Variants in TMEM132C observed in about 807,000 individuals in gnomAD.
TMEM132C encodes the protein protein phosphatase 1, regulatory subunit 152.
TMEM132C carries 29 observed loss-of-function variants against 61.4 expected under a neutral mutation model. The observed-to-expected ratio is 0.47, with a 90% CI of 0.35 to 0.64. TMEM132C has a LOEUF of 0.64. TMEM132C is among the 30% of genes least tolerant of loss of function. The pLI is 0.00. For synonymous variants in TMEM132C, 656 were observed against 633.1 expected, an observed-to-expected ratio of 1.04 and a Z score of -0.54; for missense variants, 1,408 against 1,476.9, an observed-to-expected ratio of 0.95 and a Z score of 0.76.
intron 8 of TMEM132C, among the ~76,000 whole-genome samples, chr12:128,703,063 G>GCT (rs958233166): frequency 3.3e-5 from 5 of 152,170 alleles, no homozygotes; most frequent in Non-Finnish European, 7.4e-5. Flanking sequence ...GTGGTCAAGA[G>GCT]CTCAGCTCTA....
At chr12:128,520,718 A>C (rs573036159) in intron 2 of TMEM132C, among the ~76,000 whole-genome samples, 1 of 152,318 alleles carries the variant, frequency 6.6e-6, no homozygotes, top group Non-Finnish European at 1.5e-5. Flanking sequence ...AGAAACACAA[A>C]GGGTGGCTTG....
chr12:128,289,129 AAC>A (rs370379896), intron 1 of TMEM132C: 18 of 150,022 alleles, frequency 1.2e-4, no homozygotes, highest in African/African-American at 3.7e-4. Flanking sequence ...TATGCTCGCT[AAC>A]ACACACTGTA....
chr12:128,315,052 G>T (rs1872105928), intron 1 of TMEM132C, among the ~76,000 whole-genome samples: 1 of 152,178 alleles, frequency 6.6e-6, no homozygotes, highest in African/African-American at 2.4e-5. Context: ...CCAGAGGCAG[G>T]TTGCGATGGG....
At chr12:128,659,832 G>A (rs562008917) in intron 4 of TMEM132C, among the ~76,000 whole-genome samples, 20 of 152,370 alleles carry the variant, frequency 1.3e-4, no homozygotes, top group African/African-American at 4.8e-4. Flanking sequence ...AGTCCAGGGT[G>A]AGACAGGCCC....
At chr12:128,569,664 T>C (rs1432198907) in intron 3 of TMEM132C, among the ~76,000 whole-genome samples, 1 of 151,776 alleles carries the variant, frequency 6.6e-6, no homozygotes, top group African/African-American at 2.4e-5. Context: ...GTGGAGAGAG[T>C]AGTAAAACCT....
At chr12:128,627,290 C>T (rs1357601910) in intron 4 of TMEM132C, among the ~76,000 whole-genome samples, 1 of 152,188 alleles carries the variant, frequency 6.6e-6, no homozygotes, top group Non-Finnish European at 1.5e-5. Context: ...TTACTCCCCT[C>T]CCCGCTGAAA....
At chr12:128,576,993 A>G (rs1415847932) in intron 3 of TMEM132C, among the ~76,000 whole-genome samples, 1 of 152,176 alleles carries the variant, frequency 6.6e-6, no homozygotes, top group African/African-American at 2.4e-5. Context: ...GTGTATTTAC[A>G]TACTTCTGCA....
At chr12:128,477,621 C>T (rs1871192562) in intron 2 of TMEM132C, among the ~76,000 whole-genome samples, 1 of 152,062 alleles carries the variant, frequency 6.6e-6, no homozygotes, top group South Asian at 2.1e-4. Context: ...ACTCTGTTGC[C>T]CAAGCTGGAG....
intron 2 of TMEM132C, among the ~76,000 whole-genome samples, chr12:128,431,297 TGAGG>T (rs1380890383): frequency 1.3e-5 from 2 of 152,138 alleles, no homozygotes; most frequent in African/African-American, 4.8e-5. Flanking sequence ...CTGTGAAGGC[TGAGG>T]GAGGTGAGGA....
chr12:128,321,138 AAATAATAATAATAATAATAAT>A (rs58166037), intron 1 of TMEM132C, among the ~76,000 whole-genome samples: 4 of 143,766 alleles, frequency 2.8e-5, no homozygotes, highest in South Asian at 2.2e-4. Context: ...CATTTTTGAA[AAATAATAATAATAATAATAAT>A]AATAATAATA....
At chr12:128,508,069 T>C (rs1251490493) in intron 2 of TMEM132C, among the ~76,000 whole-genome samples, 1 of 152,088 alleles carries the variant, frequency 6.6e-6, no homozygotes, top group South Asian at 2.1e-4. Context: ...GGTGTGTTAG[T>C]CCGTTTTCAT....
chr12:128,609,195 C>G (rs1327955670), intron 3 of TMEM132C, among the ~76,000 whole-genome samples: 2 of 116,060 alleles, frequency 1.7e-5, no homozygotes, highest in African/African-American at 3.3e-5. Flanking sequence ...AACCCTGTAA[C>G]CCCCACCTCC....
intron 2 of TMEM132C, among the ~76,000 whole-genome samples, chr12:128,468,196 A>C (rs1870807421): frequency 6.6e-6 from 1 of 152,176 alleles, no homozygotes; most frequent in Admixed American, 6.5e-5. Flanking sequence ...CCCCGGGGTG[A>C]CAAGGATGAT....
At chr12:128,596,922 G>A (rs1226926466) in intron 3 of TMEM132C, among the ~76,000 whole-genome samples, 3 of 152,234 alleles carry the variant, frequency 2.0e-5, no homozygotes, top group Non-Finnish European at 4.4e-5. Flanking sequence ...CTTCCGGGGA[G>A]GTCATTCTTT....
chr12:128,375,995 G>A (rs1344711620), intron 1 of TMEM132C, among the ~76,000 whole-genome samples: 11 of 152,202 alleles, frequency 7.2e-5, no homozygotes, highest in Non-Finnish European at 1.2e-4. Flanking sequence ...AGCACCTTGC[G>A]TTTGAGGCTG....
At chr12:128,509,995 C>A (rs1356507559) in intron 2 of TMEM132C, among the ~76,000 whole-genome samples, 4 of 152,078 alleles carry the variant, frequency 2.6e-5, no homozygotes, top group African/African-American at 9.7e-5. Context: ...GTAGGGGATG[C>A]TGGAGGAAAC....
chr12:128,558,082 G>A lies in TMEM132C; in HGVS notation c.1121+13979G>A, dbSNP rs1285198812. On this transcript the variant is annotated intron_variant, in intron 3 of 8. Coordinates refer to ENST00000435159, the MANE Select transcript of TMEM132C (RefSeq NM_001136103.3). Reference sequence around the variant, plus strand: ...ATAGTACCTTTGCTGAGGAGTGCTTGTGAGGATTAAGTGGGTTAGTATATG... The same window carrying A: ...ATAGTACCTTTGCTGAGGAGTGCTTATGAGGATTAAGTGGGTTAGTATATG... Among the ~76,000 whole-genome samples, 5 of 152,350 alleles carry A rather than the reference G, an allele frequency of 3.3e-5. No individual in the cohort carries two copies. In the East Asian group the frequency reaches 7.7e-4, roughly 24 times the overall value.
intron 1 of TMEM132C, among the ~76,000 whole-genome samples, chr12:128,384,837 G>A (rs934170953): frequency 2.0e-5 from 3 of 152,108 alleles, no homozygotes; most frequent in Non-Finnish European, 4.4e-5. Context: ...TCAAAGATGC[G>A]CACACTGAGA....
At chr12:128,590,170 G>A (rs942343346) in intron 3 of TMEM132C, among the ~76,000 whole-genome samples, 4 of 152,326 alleles carry the variant, frequency 2.6e-5, no homozygotes, top group East Asian at 1.9e-4. Context: ...ACGTGTACCC[G>A]TTGGAGGGCA....
Sources: allele counts gnomAD v4.1 joint callset (sites outside exome capture counted in the v4.1 genomes callset), GRCh38; gene constraint gnomAD v4.1.1; transcripts MANE v1.5; gene names NCBI Gene and HGNC (gene_info 2026-07-23, HGNC 2026-07-21).